FAM227B: variants seen among roughly 807,000 people sequenced by gnomAD.
The protein encoded by FAM227B is family with sequence similarity 227 member B, also known as protein FAM227B.
A neutral mutation model predicts 73.8 loss-of-function variants in FAM227B; 88 were observed. That is an observed-to-expected ratio of 1.19 (90% confidence interval 1.00 to 1.42). The LOEUF is 1.42. Among genes scored for constraint, FAM227B ranks in the 40% most tolerant of loss-of-function variants. FAM227B has a pLI of 0.00. For synonymous variants in FAM227B, 210 were observed against 190.5 expected, an observed-to-expected ratio of 1.10 and a Z score of -0.84; for missense variants, 632 against 590.9, an observed-to-expected ratio of 1.07 and a Z score of -0.72.
In FAM227B at chr15:49,327,648, C is replaced by G. The variant is rs138072916; in HGVS notation, c.*920G>C. ...CGTGTAAGCTTGCTATACAACTCTT[C>G]AAGTGGCTACTTTATGGAATCAATA... On this transcript the variant is annotated 3_prime_UTR_variant, in exon 16 of 16. Coordinates refer to ENST00000299338, the MANE Select transcript of FAM227B (RefSeq NM_152647.3). 4 of 209,884 alleles carry G rather than the reference C, an allele frequency of 1.9e-5. No individual in the cohort carries two copies. Among genetic ancestry groups the G allele is most frequent in the East Asian group, 2.1e-4 (2 of 9,510 alleles). The allele number at this position is 209,884 out of a possible 1,614,324, so 13.0% of individuals were successfully genotyped here.
intron 13 of FAM227B, among the ~76,000 whole-genome samples, chr15:49,363,720 T>G (rs1205868940): frequency 6.6e-6 from 1 of 152,206 alleles, no homozygotes; most frequent in African/African-American, 2.4e-5. Context: ...AGGTGAATAC[T>G]TCCAGCTTTT....
intron 11 of FAM227B, chr15:49,483,354 C>A: frequency 9.3e-6 from 6 of 642,228 alleles, no homozygotes; most frequent in South Asian, 1.9e-5. Flanking sequence ...TTATCTCCAA[C>A]TGTATAATTT....
chr15:49,371,811 A>AATGAAATAAAATTCACTTATAAATC (rs2045835942), intron 11 of FAM227B, among the ~76,000 whole-genome samples: 1 of 142,124 alleles, frequency 7.0e-6, no homozygotes, highest in East Asian at 2.2e-4. Context: ...ACTTATAAAT[A>AATGAAATAAAATTCACTTATAAATC]AATGAAATAA....
chr15:49,461,178 T>A (rs1053814329), intron 11 of FAM227B, among the ~76,000 whole-genome samples: 1 of 152,194 alleles, frequency 6.6e-6, no homozygotes, highest in Non-Finnish European at 1.5e-5. Flanking sequence ...TAGTGACAGA[T>A]CTTTTCTCTT....
intron 3 of FAM227B, among the ~76,000 whole-genome samples, chr15:49,601,891 C>A (rs956499451): frequency 6.6e-6 from 1 of 152,142 alleles, no homozygotes; most frequent in South Asian, 2.1e-4. Context: ...GTGAGAAATG[C>A]AATGTTTGTC....
At chr15:49,533,623 A>C (rs917856333) in intron 10 of FAM227B, among the ~76,000 whole-genome samples, 2 of 151,770 alleles carry the variant, frequency 1.3e-5, no homozygotes, top group African/African-American at 4.8e-5. Context: ...TATTATATGA[A>C]TAACCTCTTT....
intron 11 of FAM227B, among the ~76,000 whole-genome samples, chr15:49,417,537 C>T (rs1017806171): frequency 2.0e-5 from 3 of 152,118 alleles, no homozygotes; most frequent in Non-Finnish European, 4.4e-5. Flanking sequence ...ACTATCTGAT[C>T]GTTGACAAAT....
At chr15:49,613,253 G>A (rs766314669) in intron 2 of FAM227B, among the ~76,000 whole-genome samples, 15 of 152,088 alleles carry the variant, frequency 9.9e-5, no homozygotes, top group Non-Finnish European at 2.1e-4. Context: ...GGTGGCTCAC[G>A]CCTGTAATCC....
chr15:49,406,609 G>C (rs1053761719), intron 11 of FAM227B, among the ~76,000 whole-genome samples: 1 of 151,902 alleles, frequency 6.6e-6, no homozygotes, highest in African/African-American at 2.4e-5. Context: ...GCTAAGTGCC[G>C]GCCAAGGCTC....
At chr15:49,427,810 T>C (rs1263300006) in intron 11 of FAM227B, among the ~76,000 whole-genome samples, 1 of 151,834 alleles carries the variant, frequency 6.6e-6, no homozygotes, top group East Asian at 1.9e-4. Context: ...GCTTCCACAA[T>C]GTTTTGGGCT....
chr15:49,371,342 A>G lies in FAM227B; in HGVS notation c.1070T>C (p.Ile357Thr). Reference protein sequence around the residue: ...LNNPRAYTLPISKEESRLSRL... With the variant: ...LNNPRAYTLPTSKEESRLSRL... ...TGATAATCTTGATTCTTCCTTGGAT[A>G]TGGGCAACGTATATGCTCTTGGGTT... Residue 357 changes from isoleucine (I) to threonine (T), a missense_variant, in exon 12 of 16, where the codon ATA (isoleucine) becomes ACA (threonine). Transcript: ENST00000299338. 1 of 1,604,236 alleles carries G rather than the reference A, an allele frequency of 6.2e-7. No homozygotes were observed. The highest frequency in any genetic ancestry group is 8.5e-7 in the Non-Finnish European group (1 of 1,173,180).
chr15:49,615,161 T>C lies in FAM227B; in HGVS notation c.11A>G (p.Gln4Arg). 1.2e-6 allele frequency: 2 copies of C among 1,614,144 alleles called. No homozygotes were observed. Among genetic ancestry groups the C allele is most frequent in the Non-Finnish European group, 1.7e-6 (2 of 1,179,974 alleles). MAGQRTCQRRSSRA... is the reference protein window; with the variant it reads MAGRRTCQRRSSRA... Reference sequence around the variant, plus strand: ...GCTGCTCCTCCTTTGACATGTTCGTTGGCCTGCCATGGTACAGTAACTTTG... The same window carrying C: ...GCTGCTCCTCCTTTGACATGTTCGTCGGCCTGCCATGGTACAGTAACTTTG... The change falls in exon 2 of 16, where the codon CAA becomes CGA. Residue 4 changes from glutamine to arginine, a missense_variant. Transcript: ENST00000299338.
chr15:49,444,096 G>A (rs2051948336), intron 11 of FAM227B, among the ~76,000 whole-genome samples: 1 of 151,614 alleles, frequency 6.6e-6, no homozygotes, highest in African/African-American at 2.4e-5. Flanking sequence ...AGGATCTTAC[G>A]GCAGTGTTGG....
intron 2 of FAM227B, among the ~76,000 whole-genome samples, chr15:49,613,252 C>T (rs1014975772): frequency 6.6e-6 from 1 of 152,116 alleles, no homozygotes; most frequent in South Asian, 2.1e-4. Flanking sequence ...TGGTGGCTCA[C>T]GCCTGTAATC....
intron 11 of FAM227B, among the ~76,000 whole-genome samples, chr15:49,395,438 A>G (rs1436538464): frequency 6.6e-6 from 1 of 152,200 alleles, no homozygotes; most frequent in Non-Finnish European, 1.5e-5. Flanking sequence ...TTCTAGAGGG[A>G]AGAGTCCTAT....
chr15:49,357,438 C>A (rs1309756560), intron 13 of FAM227B, among the ~76,000 whole-genome samples: 1 of 151,542 alleles, frequency 6.6e-6, no homozygotes, highest in Non-Finnish European at 1.5e-5. Context: ...AAACTACCAT[C>A]AGAGAATACT....
In FAM227B at chr15:49,358,388, G is replaced by C. The variant is rs528536041; in HGVS notation, c.1271+9060C>G. On this transcript the variant is annotated intron_variant, in intron 13 of 15. Transcript: ENST00000299338. ...TAAGCTGATAAGCAACTTCAGCAAA[G>C]TCTCAGGATACAAAATCAATGTACA... Among the ~76,000 whole-genome samples the C allele has an allele frequency of 1.4e-3, 171 of 118,826 alleles. 1 individual carries two copies. The highest frequency in any genetic ancestry group is 5.3e-3 in the African/African-American group (161 of 30,504). 78.0% of individuals were successfully genotyped at this position (118,826 alleles called of 152,430 possible). A position where few individuals can be genotyped will look rare whatever the true frequency, so the allele number is the denominator to read the frequency against.
intron 11 of FAM227B, among the ~76,000 whole-genome samples, chr15:49,454,722 G>A (rs2053110415): frequency 1.3e-5 from 2 of 152,248 alleles, no homozygotes; most frequent in South Asian, 4.1e-4. Flanking sequence ...CGATTCTCCT[G>A]CCTCAGCCTC....
intron 11 of FAM227B, among the ~76,000 whole-genome samples, chr15:49,407,487 G>T (rs1273490647): frequency 6.6e-6 from 1 of 151,896 alleles, no homozygotes; most frequent in Admixed American, 6.6e-5. Flanking sequence ...TCCCTCGGTG[G>T]CAGCTGTTCC....
Sources: allele counts gnomAD v4.1 joint callset (sites outside exome capture counted in the v4.1 genomes callset), GRCh38; gene constraint gnomAD v4.1.1; transcripts MANE v1.5; gene names NCBI Gene and HGNC (gene_info 2026-07-23, HGNC 2026-07-21).